RPTOR: variants seen among roughly 807,000 people sequenced by gnomAD.
The protein encoded by RPTOR is regulatory associated protein of MTOR complex 1, also known as regulatory-associated protein of mTOR.
Under a neutral mutation model 169.9 loss-of-function variants are expected in RPTOR, and 21 were observed. The observed-to-expected ratio is 0.12, with a 90% CI of 0.09 to 0.18. The LOEUF is 0.18. Ranked by LOEUF, RPTOR falls within the 10% of genes least tolerant of loss-of-function variation. RPTOR has a pLI of 1.00. For missense variants in RPTOR, 1,133 were observed against 1,855.9 expected (o/e 0.61, Z 7.16); for synonymous variants, 732 against 753.2 (o/e 0.97, Z 0.46).
chr17:80,687,715 T>G (rs1280375110), intron 3 of RPTOR, among the ~76,000 whole-genome samples: 1 of 152,128 alleles, frequency 6.6e-6, no homozygotes, highest in African/African-American at 2.4e-5. Flanking sequence ...GGCAGCACCG[T>G]GGGTGTTGAT....
intron 1 of RPTOR, among the ~76,000 whole-genome samples, chr17:80,585,398 GT>G (rs2065051829): frequency 1.3e-5 from 2 of 152,022 alleles, no homozygotes; most frequent in Admixed American, 6.5e-5. Context: ...TAGAGACAGG[GT>G]TTCATCATGT....
intron 25 of RPTOR, among the ~76,000 whole-genome samples, chr17:80,944,695 A>C (rs2069076314): frequency 1.3e-5 from 2 of 152,180 alleles, no homozygotes; most frequent in Non-Finnish European, 2.9e-5. Context: ...ATTTATTGTA[A>C]ATTAAGACTG....
chr17:80,934,209 G>A (rs1371912196), intron 24 of RPTOR, among the ~76,000 whole-genome samples: 5 of 151,150 alleles, frequency 3.3e-5, no homozygotes, highest in South Asian at 2.1e-4. Context: ...GGGGTTCAGC[G>A]GTGCAATACC....
At chr17:80,723,398 T>C (rs1256454933) in intron 4 of RPTOR, among the ~76,000 whole-genome samples, 1 of 151,310 alleles carries the variant, frequency 6.6e-6, no homozygotes, top group African/African-American at 2.5e-5. Flanking sequence ...TATGAAAGAA[T>C]TGTTGCTTCT....
chr17:80,951,620 A>G (rs962143317), intron 28 of RPTOR, among the ~76,000 whole-genome samples: 1 of 152,198 alleles, frequency 6.6e-6, no homozygotes, highest in Non-Finnish European at 1.5e-5. Context: ...CGGGTGTGTC[A>G]CTGCTGCTGC....
At chr17:80,836,408 A>G (rs1232372360) in intron 9 of RPTOR, among the ~76,000 whole-genome samples, 1 of 152,178 alleles carries the variant, frequency 6.6e-6, no homozygotes, top group Non-Finnish European at 1.5e-5. Context: ...GCTGGATGCC[A>G]GGGCACCTGC....
intron 9 of RPTOR, among the ~76,000 whole-genome samples, chr17:80,833,971 AGAGT>A (rs1302202693): frequency 6.6e-6 from 1 of 152,292 alleles, no homozygotes; most frequent in Non-Finnish European, 1.5e-5. Context: ...CATAGGTGAC[AGAGT>A]GAGACTCCGT....
At chr17:80,631,219 C>T (rs1262932551) in intron 2 of RPTOR, among the ~76,000 whole-genome samples, 1 of 152,040 alleles carries the variant, frequency 6.6e-6, no homozygotes, top group African/African-American at 2.4e-5. Flanking sequence ...GGAATGTGTG[C>T]CTGTTCTTGT....
At chr17:80,826,592 G>A (rs541861594) in intron 9 of RPTOR, among the ~76,000 whole-genome samples, 196 of 152,386 alleles carry the variant, frequency 1.3e-3, no homozygotes, top group Admixed American at 4.6e-3. Flanking sequence ...TTAATTGCTA[G>A]GCTGGGGCAG....
At chr17:80,928,893 A>G (rs988988929) in intron 24 of RPTOR, among the ~76,000 whole-genome samples, 30 of 151,988 alleles carry the variant, frequency 2.0e-4, no homozygotes, top group African/African-American at 6.0e-4. Context: ...GGGCATGTGA[A>G]CTCTCAGACA....
Position 80,918,846 on chromosome 17 carries a change from C to T in RPTOR, c.2521-3878C>T, listed in dbSNP as rs547680148. 2.0e-5 allele frequency among the ~76,000 whole-genome samples: 3 copies of T among 152,130 alleles called. No individual in the cohort carries two copies. The East Asian group carries it at 5.8e-4, about 29-fold the overall frequency. ...CAGCACTCGTGTCTGTGTCCTGTGC[C>T]GCCCAGGTGCAGAGAGGGCTCCACA... On this transcript the variant is annotated intron_variant, in intron 21 of 33. Coordinates refer to ENST00000306801, the MANE Select transcript of RPTOR (RefSeq NM_020761.3).
chr17:80,855,681 G>A (rs1037820630), intron 12 of RPTOR, 134 bp downstream of exon 12: 23 of 708,694 alleles, frequency 3.2e-5, no homozygotes, highest in South Asian at 2.2e-4. Context: ...TGTGTCCACC[G>A]TGTTGGTGTC....
chr17:80,894,417 A>G (rs916315944), intron 20 of RPTOR, among the ~76,000 whole-genome samples: 4 of 152,174 alleles, frequency 2.6e-5, no homozygotes, highest in Non-Finnish European at 5.9e-5. Flanking sequence ...GAATCTCCAC[A>G]CAACTTTCCC....
chr17:80,861,462 T>C lies in RPTOR; in HGVS notation c.1509+3562T>C, dbSNP rs2067915805. Among the ~76,000 whole-genome samples the C allele has an allele frequency of 6.8e-6, 1 of 146,782 alleles. No individual in the cohort carries two copies. Among genetic ancestry groups the C allele is most frequent in the South Asian group, 2.2e-4 (1 of 4,612 alleles). On this transcript the variant is annotated intron_variant, in intron 13 of 33. Coordinates refer to ENST00000306801, the MANE Select transcript of RPTOR (RefSeq NM_020761.3). The surrounding 1 kb of genome is among the most constrained non-coding windows in gnomAD (Gnocchi z 4.5). ...CATTTCTATTTTACTCTTCTTCAAA[T>C]TCACTGAAGAGCCACATTATGTAAA...
intron 6 of RPTOR, 60 bp from the exon 7 acceptor site, chr17:80,791,390 G>A: frequency 1.3e-5 from 20 of 1,528,844 alleles, no homozygotes; most frequent in Non-Finnish European, 1.6e-5. Context: ...CTGCAGGCCT[G>A]TTGAATTTCC....
At chr17:80,561,979 C>T (rs960535738) in intron 1 of RPTOR, among the ~76,000 whole-genome samples, 5 of 151,884 alleles carry the variant, frequency 3.3e-5, no homozygotes, top group Admixed American at 6.6e-5. Context: ...CATGTTTATA[C>T]GTATGTATTT....
At chr17:80,910,025 C>A (rs2068593504) in intron 21 of RPTOR, among the ~76,000 whole-genome samples, 1 of 152,152 alleles carries the variant, frequency 6.6e-6, no homozygotes, top group Non-Finnish European at 1.5e-5. Context: ...TTTTTCTCTG[C>A]CTCATGGGTT....
At chr17:80,752,408 C>T (rs1378150270) in intron 5 of RPTOR, among the ~76,000 whole-genome samples, 1 of 152,234 alleles carries the variant, frequency 6.6e-6, no homozygotes, top group Non-Finnish European at 1.5e-5. Context: ...GCTGTGCCTC[C>T]CCCAGCTGAA....
chr17:80,929,178 C>A (rs1296263966), intron 24 of RPTOR, among the ~76,000 whole-genome samples: 1 of 152,182 alleles, frequency 6.6e-6, no homozygotes, highest in East Asian at 1.9e-4. Flanking sequence ...CATTAAAATT[C>A]TTTAAGTTGT....
Sources: allele counts gnomAD v4.1 joint callset (sites outside exome capture counted in the v4.1 genomes callset), GRCh38; gene constraint gnomAD v4.1.1; non-coding constraint Gnocchi (gnomAD v3.1); transcripts MANE v1.5; gene names NCBI Gene and HGNC (gene_info 2026-07-23, HGNC 2026-07-21).